The following KAZN variants were observed in gnomAD, a reference collection of about 807,000 sequenced individuals.
The protein encoded by KAZN is kazrin.
Under a neutral mutation model 87.4 loss-of-function variants are expected in KAZN, and 40 were observed. That is an observed-to-expected ratio of 0.46 (90% CI 0.36 to 0.60). KAZN has a LOEUF of 0.60. Among genes scored for constraint, KAZN ranks in the 20% least tolerant of loss-of-function variants. The pLI, the probability that KAZN is intolerant of heterozygous loss-of-function variation, is 0.00. For missense variants in KAZN, 898 were observed against 1,073.9 expected (o/e 0.84, Z 2.29); for synonymous variants, 466 against 458.3 (o/e 1.02, Z -0.22).
intron 1 of KAZN, among the ~76,000 whole-genome samples, chr1:13,928,666 G>A (rs571220943): frequency 6.6e-6 from 1 of 152,246 alleles, no homozygotes; most frequent in Non-Finnish European, 1.5e-5. Flanking sequence ...TATTGATCCA[G>A]CAAGGCTCTG....
At chr1:14,881,188 G>A (rs908630490) in intron 1 of KAZN, among the ~76,000 whole-genome samples, 4 of 152,216 alleles carry the variant, frequency 2.6e-5, no homozygotes, top group Non-Finnish European at 5.9e-5. Flanking sequence ...GCTCAGTCAG[G>A]TTAGGCTGAA....
chr1:14,691,231 A>AT (rs1179249733), intron 1 of KAZN, among the ~76,000 whole-genome samples: 1 of 152,186 alleles, frequency 6.6e-6, no homozygotes, highest in Non-Finnish European at 1.5e-5. Flanking sequence ...TCTTATATTT[A>AT]GGTGTCCTGG....
intron 1 of KAZN, among the ~76,000 whole-genome samples, chr1:14,708,370 A>G (rs1230643255): frequency 1.3e-5 from 2 of 152,224 alleles, no homozygotes; most frequent in African/African-American, 4.8e-5. Flanking sequence ...ACAATCTCAG[A>G]TGCTAATCCT....
intron 2 of KAZN, among the ~76,000 whole-genome samples, chr1:14,304,252 A>G (rs974883811): frequency 2.0e-5 from 3 of 152,214 alleles, no homozygotes; most frequent in African/African-American, 7.2e-5. Flanking sequence ...AAAGAGTTTC[A>G]CCTACCGATG....
At chr1:14,277,967 A>AC (rs1228657598) in intron 2 of KAZN, among the ~76,000 whole-genome samples, 1 of 151,938 alleles carries the variant, frequency 6.6e-6, no homozygotes, top group Non-Finnish European at 1.5e-5. Context: ...CTCCACCCTC[A>AC]CGTTTATTTA....
chr1:14,625,632 G>A (rs1182663226), intron 1 of KAZN, among the ~76,000 whole-genome samples: 4 of 152,202 alleles, frequency 2.6e-5, no homozygotes, highest in Non-Finnish European at 4.4e-5. Flanking sequence ...GACTGAGGTT[G>A]GGGGAAGCTA....
chr1:14,965,851 T>G (rs1365152235), intron 2 of KAZN, among the ~76,000 whole-genome samples: 1 of 152,210 alleles, frequency 6.6e-6, no homozygotes, highest in Non-Finnish European at 1.5e-5. Context: ...TTTAGATCTA[T>G]TAGTATTAAT....
At chr1:14,835,795 G>A (rs917995833) in intron 1 of KAZN, among the ~76,000 whole-genome samples, 9 of 151,868 alleles carry the variant, frequency 5.9e-5, no homozygotes, top group African/African-American at 1.5e-4. Context: ...GCTCCTATCC[G>A]GGAAACACCT....
chr1:14,393,147 GTCAAA>G (rs1475604027), intron 2 of KAZN, among the ~76,000 whole-genome samples: 2 of 152,166 alleles, frequency 1.3e-5, no homozygotes, highest in Admixed American at 6.5e-5. Context: ...ATTCATCCTT[GTCAAA>G]TCAAACGGTC....
intron 2 of KAZN, among the ~76,000 whole-genome samples, chr1:14,527,570 A>G (rs902398353): frequency 6.7e-6 from 1 of 149,794 alleles, no homozygotes; most frequent in Non-Finnish European, 1.5e-5. Context: ...AAAAAACGAT[A>G]CAGGTTTATC....
chr1:14,975,127 T>C (rs1159882064), intron 2 of KAZN, among the ~76,000 whole-genome samples: 2 of 151,916 alleles, frequency 1.3e-5, no homozygotes, highest in African/African-American at 4.8e-5. Flanking sequence ...ATGGGCAGAG[T>C]CCTCGAAGAC....
At chr1:14,414,862 TA>T (rs1664619656) in intron 2 of KAZN, among the ~76,000 whole-genome samples, 1 of 151,964 alleles carries the variant, frequency 6.6e-6, no homozygotes, top group South Asian at 2.1e-4. Flanking sequence ...CCGTCTCTAC[TA>T]AAAAATACAA....
At chr1:15,090,923 C>T (rs981040072) in intron 8 of KAZN, among the ~76,000 whole-genome samples, 2 of 152,118 alleles carry the variant, frequency 1.3e-5, no homozygotes, top group African/African-American at 2.4e-5. Flanking sequence ...GTGTGGTCAC[C>T]AGGTGGATAC....
At chr1:14,503,319 C>T (rs1437629066) in intron 2 of KAZN, among the ~76,000 whole-genome samples, 3 of 151,046 alleles carry the variant, frequency 2.0e-5, no homozygotes, top group East Asian at 3.9e-4. Context: ...CCCATCTCCA[C>T]TAAAAATACA....
At chr1:14,178,101 A>G (rs1646123519) in intron 1 of KAZN, among the ~76,000 whole-genome samples, 1 of 152,122 alleles carries the variant, frequency 6.6e-6, no homozygotes, top group South Asian at 2.1e-4. Flanking sequence ...TTTTATAAGC[A>G]TCTGGCATTT....
At chr1:13,936,699 A>G (rs1294115866) in intron 1 of KAZN, among the ~76,000 whole-genome samples, 1 of 152,228 alleles carries the variant, frequency 6.6e-6, no homozygotes, top group Non-Finnish European at 1.5e-5. Context: ...TGCAAAAGAT[A>G]TGATTTCATT....
rs981554181 is a variant in KAZN at position 15,096,509 on chromosome 1, G to A, written c.1547+1576G>A. ...CCCCCAGCATGGCCTGCACTTGTGT[G>A]TTGCACAACACAGCCCCTAAATGGG... On this transcript the variant is annotated intron_variant, in intron 10 of 14. Coordinates refer to ENST00000376030, the MANE Select transcript of KAZN (RefSeq NM_201628.3). The surrounding 1 kb of genome is among the most constrained non-coding windows in gnomAD (Gnocchi z 4.5). Among the ~76,000 whole-genome samples the A allele has an allele frequency of 1.3e-5, 2 of 152,226 alleles. No homozygotes were observed. Among genetic ancestry groups the A allele is most frequent in the African/African-American group, 4.8e-5 (2 of 41,458 alleles).
chr1:14,112,871 G>A (rs572649971), intron 1 of KAZN, among the ~76,000 whole-genome samples: 8 of 152,266 alleles, frequency 5.3e-5, no homozygotes, highest in African/African-American at 1.7e-4. Context: ...CTCCAGCCCT[G>A]TGCCTAGCAC....
chr1:14,489,050 T>C (rs989392726), intron 2 of KAZN, among the ~76,000 whole-genome samples: 1 of 152,222 alleles, frequency 6.6e-6, no homozygotes, highest in African/African-American at 2.4e-5. Flanking sequence ...GAAACAGAGA[T>C]CACTAGAGTT....
Sources: allele counts gnomAD v4.1 joint callset (sites outside exome capture counted in the v4.1 genomes callset), GRCh38; gene constraint gnomAD v4.1.1; non-coding constraint Gnocchi (gnomAD v3.1); transcripts MANE v1.5; gene names NCBI Gene and HGNC (gene_info 2026-07-23, HGNC 2026-07-21).